Variants in AQR observed in about 807,000 individuals in gnomAD.
The protein encoded by AQR is RNA helicase aquarius.
AQR carries 61 observed loss-of-function variants against 180.5 expected under a neutral mutation model. That is an observed-to-expected ratio of 0.34 (90% CI 0.28 to 0.42). The LOEUF is 0.42. Among genes scored for constraint, AQR ranks in the 10% least tolerant of loss-of-function variants. The probability of loss-of-function intolerance (pLI) is 1.00; values close to 1 mark genes in which losing one functional copy is unlikely to be tolerated. For synonymous variants in AQR, 551 were observed against 588.8 expected (o/e 0.94, Z 0.93); for missense variants, 1,281 against 1,798.3 (o/e 0.71, Z 5.20).
intron 1 of AQR, among the ~76,000 whole-genome samples, chr15:34,967,119 G>A (rs1000699803): frequency 1.3e-4 from 20 of 151,110 alleles, no homozygotes; most frequent in African/African-American, 4.4e-4. Context: ...CAGGTGATCC[G>A]TCCACCTCAG....
intron 17 of AQR, among the ~76,000 whole-genome samples, chr15:34,909,481 C>T (rs1421258972): frequency 2.0e-5 from 3 of 152,162 alleles, no homozygotes; most frequent in African/African-American, 7.2e-5. Flanking sequence ...GGAATAACTC[C>T]TTTAATTTCT....
chr15:34,910,024 C>A, intron 17 of AQR, 111 bp downstream of exon 17: 1 of 1,265,786 alleles, frequency 7.9e-7, no homozygotes. Context: ...AAGGATAACG[C>A]TTAATAAAAG....
intron 11 of AQR, 107 bp from the exon 12 acceptor site, chr15:34,930,478 A>G (rs192747169): frequency 1.6e-6 from 1 of 609,106 alleles, no homozygotes; most frequent in African/African-American, 1.8e-5. Flanking sequence ...GAGGTGCTGA[A>G]AAAACTCAGG....
Position 34,941,991 on chromosome 15 carries a change from ACT to A in AQR, c.540+19_540+20del. The A allele has an allele frequency of 1.3e-6, 2 of 1,581,936 alleles. No individual in the cohort carries two copies. The highest frequency in any genetic ancestry group is 1.7e-4 in the Middle Eastern group (1 of 5,994). ...TACTTATAACACATACATTCATAAG[ACT>A]CTGAAATTAGAGACTTACCAGCTGT... On this transcript the variant is annotated intron_variant, in intron 7 of 34. Transcript: ENST00000156471.
chr15:34,945,325 T>A (rs933130694), intron 5 of AQR, among the ~76,000 whole-genome samples: 5 of 152,226 alleles, frequency 3.3e-5, no homozygotes, highest in Admixed American at 6.5e-5. Context: ...CTATTACCTA[T>A]CTTGGTAAAT....
intron 20 of AQR, among the ~76,000 whole-genome samples, chr15:34,898,049 C>T (rs765553650): frequency 1.3e-5 from 2 of 152,052 alleles, no homozygotes; most frequent in Non-Finnish European, 2.9e-5. Flanking sequence ...TAAGATGAGT[C>T]TCAAAGAATT....
chr15:34,946,579 G>A (rs562336825), intron 5 of AQR, among the ~76,000 whole-genome samples: 13 of 133,702 alleles, frequency 9.7e-5, no homozygotes, highest in African/African-American at 3.9e-4. Context: ...GGAGGGAGGT[G>A]GGGGGGGTCA....
At chr15:34,864,619 G>C (rs1392430581) in intron 32 of AQR, among the ~76,000 whole-genome samples, 1 of 152,126 alleles carries the variant, frequency 6.6e-6, no homozygotes, top group East Asian at 1.9e-4. Context: ...TTGTTAGGAG[G>C]AAAAAGGGTT....
intron 13 of AQR, among the ~76,000 whole-genome samples, chr15:34,925,578 T>C (rs543382114): frequency 6.6e-6 from 1 of 152,306 alleles, no homozygotes; most frequent in African/African-American, 2.4e-5. Flanking sequence ...CGGTGGCTCA[T>C]GCCTCTAATC....
At chr15:34,968,386 G>A (rs1346594539) in intron 1 of AQR, among the ~76,000 whole-genome samples, 1 of 150,584 alleles carries the variant, frequency 6.6e-6, no homozygotes, top group Non-Finnish European at 1.5e-5. Flanking sequence ...CCGAGTAGCT[G>A]GGACCAAAGG....
intron 5 of AQR, 152 bp from the exon 6 acceptor site, chr15:34,944,580 CT>C: frequency 1.4e-6 from 1 of 721,978 alleles, no homozygotes. Context: ...CACGTGCTTA[CT>C]TATAATTAAT....
chr15:34,956,742 C>G (rs902423855), intron 3 of AQR, among the ~76,000 whole-genome samples: 5 of 144,152 alleles, frequency 3.5e-5, no homozygotes, highest in African/African-American at 1.3e-4. Flanking sequence ...GATTCAATAC[C>G]TGGTGTGCCT....
At chr15:34,900,891 G>A (rs1305532740) in intron 19 of AQR, 28 bp from the exon 20 acceptor site, 1 of 1,557,732 alleles carries the variant, frequency 6.4e-7, no homozygotes, top group Non-Finnish European at 8.7e-7. Flanking sequence ...GAAAAAGATT[G>A]TGTCAGTATG....
At position 34,854,428 on chromosome 15, in the gene AQR, TAAAC is replaced by T. The variant is rs1207078137; in HGVS notation, c.*2360_*2363del. Reference sequence around the variant, plus strand: ...CCTCATGTGTGCTTGATTGAAAAAATAAACAAAGCAGTGCCGTAGAACTGTAGAC... The same window carrying T: ...CCTCATGTGTGCTTGATTGAAAAAATAAAGCAGTGCCGTAGAACTGTAGAC... On this transcript the variant is annotated 3_prime_UTR_variant, in exon 35 of 35. Transcript: ENST00000156471. The T allele has an allele frequency of 7.2e-5, 11 of 152,206 alleles. No individual in the cohort carries two copies. The highest frequency in any genetic ancestry group is 1.9e-4 in the African/African-American group (8 of 41,542). 9.4% of individuals were successfully genotyped at this position (152,206 alleles called of 1,614,324 possible).
chr15:34,941,359 CAAGTA>C (rs1186297015), intron 7 of AQR, among the ~76,000 whole-genome samples: 1 of 152,130 alleles, frequency 6.6e-6, no homozygotes, highest in Non-Finnish European at 1.5e-5. Context: ...ACAGCGATCA[CAAGTA>C]AATAAGGAAA....
Position 34,911,526 on chromosome 15 carries a change from T to C in AQR, c.1485-1213A>G, listed in dbSNP as rs556108346. Reference sequence around the variant, plus strand: ...TGAATATCTCATTGTGGTTTTGGTATGCATTCCCTTGATGATTTGTGATGT... The same window carrying C: ...TGAATATCTCATTGTGGTTTTGGTACGCATTCCCTTGATGATTTGTGATGT... On this transcript the variant is annotated intron_variant, in intron 16 of 34. Transcript: ENST00000156471. 3.3e-5 allele frequency among the ~76,000 whole-genome samples: 5 copies of C among 152,334 alleles called. No homozygotes were observed. The South Asian group carries it at 8.3e-4, about 25-fold the overall frequency.
intron 33 of AQR, 97 bp from the exon 34 acceptor site, chr15:34,860,252 C>T (rs1352941692): frequency 2.0e-6 from 1 of 502,372 alleles, no homozygotes; most frequent in African/African-American, 2.0e-5. Context: ...TGAATAAGCA[C>T]AATTAGGGTC....
chr15:34,941,909 G>T (rs1469598479), intron 7 of AQR, 103 bp downstream of exon 7: 3 of 777,188 alleles, frequency 3.9e-6, no homozygotes, highest in African/African-American at 1.8e-5. Context: ...AAGAAAAGGG[G>T]TATTTAGCTA....
chr15:34,894,650 T>C (rs922344782), intron 22 of AQR, among the ~76,000 whole-genome samples: 1 of 152,170 alleles, frequency 6.6e-6, no homozygotes, highest in African/African-American at 2.4e-5. Context: ...AAGCAAAAAT[T>C]CTACTACTAT....
Sources: gnomAD v4.1 joint callset for allele counts (sites outside exome capture counted in the v4.1 genomes callset) on GRCh38, gnomAD v4.1.1 for gene constraint, MANE v1.5 for transcripts, NCBI Gene and HGNC (gene_info 2026-07-23, HGNC 2026-07-21) for gene names.